Variants in ADGRB3 observed in about 807,000 individuals in gnomAD.
The protein encoded by ADGRB3 is brain-specific angiogenesis inhibitor 3.
Under a neutral mutation model 193.4 loss-of-function variants are expected in ADGRB3, and 37 were observed. The observed-to-expected ratio is 0.19, with a 90% CI of 0.15 to 0.25. The LOEUF (loss-of-function observed/expected upper bound fraction) is 0.25, where lower values mean the gene tolerates loss of function less well. ADGRB3 is among the 10% of genes least tolerant of loss of function. The pLI, the probability that ADGRB3 is intolerant of heterozygous loss-of-function variation, is 1.00. For synonymous variants in ADGRB3, 690 were observed against 644.2 expected, an observed-to-expected ratio of 1.07 and a Z score of -1.08; for missense variants, 1,637 against 1,852.9, an observed-to-expected ratio of 0.88 and a Z score of 2.14.
intron 17 of ADGRB3, among the ~76,000 whole-genome samples, chr6:69,081,755 T>C (rs1338008997): frequency 6.6e-6 from 1 of 152,112 alleles, no homozygotes; most frequent in Non-Finnish European, 1.5e-5. Context: ...GCTTAGTTTC[T>C]TAAAGGTGTA....
intron 3 of ADGRB3, among the ~76,000 whole-genome samples, chr6:68,772,877 ACAAACAAAAAAAAAAAAATATATAT>A (rs1249071028): frequency 0.093 from 2,579 of 27,710 alleles, 69 homozygotes; most frequent in African/African-American, 0.14. Flanking sequence ...AAACAAACAA[ACAAACAAAAAAAAAAAAATATATAT>A]ATATATATAT....
chr6:68,678,302 T>TA (rs1764803796), intron 3 of ADGRB3, among the ~76,000 whole-genome samples: 1 of 152,200 alleles, frequency 6.6e-6, no homozygotes, highest in Non-Finnish European at 1.5e-5. Context: ...TCCATCCATT[T>TA]AAAACCTCAG....
At chr6:68,990,397 G>A (rs1232333677) in intron 10 of ADGRB3, among the ~76,000 whole-genome samples, 1 of 152,056 alleles carries the variant, frequency 6.6e-6, no homozygotes, top group African/African-American at 2.4e-5. Flanking sequence ...TAGTTGTCCC[G>A]AGTGCTTTTC....
At chr6:69,002,222 C>CTTTTTTTTTT (rs11284011) in intron 11 of ADGRB3, among the ~76,000 whole-genome samples, 1 of 138,504 alleles carries the variant, frequency 7.2e-6, no homozygotes, top group Non-Finnish European at 1.6e-5. Context: ...CATCTTTTAT[C>CTTTTTTTTTT]TTTTTTTTTT....
intron 8 of ADGRB3, among the ~76,000 whole-genome samples, chr6:68,966,442 T>A (rs1768383006): frequency 6.6e-6 from 1 of 152,180 alleles, no homozygotes; most frequent in Non-Finnish European, 1.5e-5. Context: ...CACCCACCTC[T>A]ACTTATCCCC....
chr6:69,065,353 C>T (rs1771870853), intron 16 of ADGRB3, among the ~76,000 whole-genome samples: 1 of 152,160 alleles, frequency 6.6e-6, no homozygotes, highest in African/African-American at 2.4e-5. Context: ...CCTCCAGTTA[C>T]TGACCACACA....
At chr6:68,936,863 A>G (rs1767498600) in intron 5 of ADGRB3, among the ~76,000 whole-genome samples, 183 bp downstream of exon 5, 1 of 152,254 alleles carries the variant, frequency 6.6e-6, no homozygotes, top group Non-Finnish European at 1.5e-5. Flanking sequence ...TAAAGCAGTC[A>G]GCAAATTAGG....
intron 3 of ADGRB3, among the ~76,000 whole-genome samples, chr6:68,874,040 T>C (rs1166441012): frequency 6.6e-6 from 1 of 152,122 alleles, no homozygotes; most frequent in African/African-American, 2.4e-5. Context: ...GATGCTAATA[T>C]TCCACACATT....
At chr6:69,370,640 A>G (rs1254774006) in intron 29 of ADGRB3, among the ~76,000 whole-genome samples, 1 of 152,234 alleles carries the variant, frequency 6.6e-6, no homozygotes, top group East Asian at 1.9e-4. Context: ...CTGGTGATCT[A>G]GGTTCCTGTC....
At chr6:68,688,741 G>A (rs1765023044) in intron 3 of ADGRB3, among the ~76,000 whole-genome samples, 1 of 152,152 alleles carries the variant, frequency 6.6e-6, no homozygotes, top group African/African-American at 2.4e-5. Context: ...GAAAGGTCCT[G>A]AAGCTTAAGC....
In ADGRB3 at chr6:68,856,966, A is replaced by G. The variant is rs1765006020; in HGVS notation, c.758-73593A>G. 3.3e-5 allele frequency among the ~76,000 whole-genome samples: 5 copies of G among 152,190 alleles called. No homozygotes were observed. In the South Asian group the frequency reaches 1.0e-3, roughly 32 times the overall value. ...AGAAGCTCCAGCCATGCCTAAAAGA[A>G]GCCAAGGTACAGCTTGGGTTTTGGC... is the stretch of plus-strand genomic sequence containing the variant. On this transcript the variant is annotated intron_variant, in intron 3 of 31. Transcript: ENST00000370598.
chr6:69,311,175 C>T (rs1163697585), intron 20 of ADGRB3, among the ~76,000 whole-genome samples: 1 of 151,734 alleles, frequency 6.6e-6, no homozygotes. Flanking sequence ...CTCGCAATAG[C>T]ATGAATTGCT....
chr6:68,854,579 C>G (rs965202871), intron 3 of ADGRB3, among the ~76,000 whole-genome samples: 7 of 151,770 alleles, frequency 4.6e-5, no homozygotes, highest in African/African-American at 1.7e-4. Flanking sequence ...TGGAGCTTTG[C>G]TAGTTGGTGC....
chr6:69,058,885 T>C (rs1771628063), intron 15 of ADGRB3, among the ~76,000 whole-genome samples: 1 of 152,064 alleles, frequency 6.6e-6, no homozygotes, highest in Non-Finnish European at 1.5e-5. Flanking sequence ...CCTGGAAAAT[T>C]TTCTGTCTGC....
At chr6:68,683,229 GT>G (rs937551805) in intron 3 of ADGRB3, among the ~76,000 whole-genome samples, 62 of 152,064 alleles carry the variant, frequency 4.1e-4, no homozygotes, top group Non-Finnish European at 7.2e-4. Context: ...TCATAATTCT[GT>G]TTTCAAGAAT....
At chr6:68,740,869 T>A (rs1765967067) in intron 3 of ADGRB3, among the ~76,000 whole-genome samples, 1 of 152,196 alleles carries the variant, frequency 6.6e-6, no homozygotes, top group Non-Finnish European at 1.5e-5. Context: ...AGTGAGTTTG[T>A]TTGAACTGGA....
At chr6:69,239,591 AT>A (rs1418083751) in intron 20 of ADGRB3, among the ~76,000 whole-genome samples, 1 of 152,012 alleles carries the variant, frequency 6.6e-6, no homozygotes, top group East Asian at 1.9e-4. Context: ...TTTTGGTCTA[AT>A]TTATTAACAT....
At chr6:69,148,667 T>C (rs1214608731) in intron 17 of ADGRB3, among the ~76,000 whole-genome samples, 1 of 152,176 alleles carries the variant, frequency 6.6e-6, no homozygotes, top group Admixed American at 6.5e-5. Flanking sequence ...CTGATCAATG[T>C]CCTTTTCTTT....
chr6:69,337,319 A>T (rs1768873241), intron 24 of ADGRB3, among the ~76,000 whole-genome samples: 1 of 152,160 alleles, frequency 6.6e-6, no homozygotes, highest in African/African-American at 2.4e-5. Flanking sequence ...TATTAATCTG[A>T]TCAGATTTAA....
Sources: allele counts gnomAD v4.1 joint callset (sites outside exome capture counted in the v4.1 genomes callset), GRCh38; gene constraint gnomAD v4.1.1; transcripts MANE v1.5; gene names NCBI Gene and HGNC (gene_info 2026-07-23, HGNC 2026-07-21).